The following GRIP1 variants were observed in gnomAD, a reference collection of about 807,000 sequenced individuals.
GRIP1 encodes glutamate receptor interacting protein 1.
In GRIP1, 45 loss-of-function variants were observed where a neutral mutation model predicts 129.9. That is an observed-to-expected ratio of 0.35 (90% CI 0.27 to 0.44). GRIP1 has a LOEUF of 0.44. GRIP1 is among the 20% of genes least tolerant of loss of function. GRIP1 has a pLI of 1.00. For missense variants in GRIP1, 1,196 were observed against 1,396.8 expected (o/e 0.86, Z 2.29); for synonymous variants, 530 against 520.8 (o/e 1.02, Z -0.24).
chr12:66,852,674 A>AAT (rs1206057378), intron 1 of GRIP1, among the ~76,000 whole-genome samples: 1 of 151,598 alleles, frequency 6.6e-6, no homozygotes, highest in Non-Finnish European at 1.5e-5. Context: ...ATATTTTATA[A>AAT]ATATATATTT....
rs568761323 is a variant in GRIP1, at chr12:66,623,313, T to G, written c.56-26386A>C. On this transcript the variant is annotated intron_variant, in intron 1 of 24. Coordinates refer to ENST00000359742, the MANE Select transcript of GRIP1 (RefSeq NM_001366722.1). ...TTTATAAGTATTAATTCATTTAAAC[T>G]TCACAATAACTTGATAAGGCATTCT... is the stretch of plus-strand genomic sequence containing the variant. Among the ~76,000 whole-genome samples the G allele has an allele frequency of 2.6e-5, 4 of 152,302 alleles. No individual in the cohort carries two copies. The South Asian group carries it at 8.3e-4, about 32-fold the overall frequency.
At chr12:66,901,876 A>C (rs1504315) in intron 1 of GRIP1, among the ~76,000 whole-genome samples, 49,262 of 152,098 alleles carry the variant, frequency 0.32, 8,565 homozygotes, top group East Asian at 0.46. Flanking sequence ...ATTGTATTGT[A>C]ATGTTTGGGA....
At chr12:66,738,485 T>C (rs1237230978) in intron 1 of GRIP1, among the ~76,000 whole-genome samples, 1 of 152,070 alleles carries the variant, frequency 6.6e-6, no homozygotes, top group Non-Finnish European at 1.5e-5. Flanking sequence ...CCTCCCAAAG[T>C]GCTAGGATCA....
At chr12:66,543,689 A>C (rs926169499) in intron 2 of GRIP1, among the ~76,000 whole-genome samples, 3 of 152,196 alleles carry the variant, frequency 2.0e-5, no homozygotes, top group African/African-American at 7.2e-5. Flanking sequence ...TTAATAATTA[A>C]AGTAACCAAA....
intron 1 of GRIP1, among the ~76,000 whole-genome samples, chr12:67,056,606 T>C (rs1005088704): frequency 6.6e-5 from 10 of 152,170 alleles, no homozygotes; most frequent in Non-Finnish European, 1.2e-4. Context: ...GCCACAAGCC[T>C]GCCCAGTTCA....
At chr12:66,923,611 C>T (rs779131549) in intron 1 of GRIP1, among the ~76,000 whole-genome samples, 18 of 152,110 alleles carry the variant, frequency 1.2e-4, no homozygotes, top group Admixed American at 1.1e-3. Context: ...CTGCCACAGC[C>T]GCCTCCACCA....
chr12:66,989,694 G>A (rs761701436), intron 1 of GRIP1, among the ~76,000 whole-genome samples: 4 of 152,014 alleles, frequency 2.6e-5, no homozygotes, highest in East Asian at 1.9e-4. Flanking sequence ...AATTGGCTTC[G>A]GAACAACAAT....
At chr12:66,369,039 T>C (rs2055317907) in intron 23 of GRIP1, among the ~76,000 whole-genome samples, 1 of 152,238 alleles carries the variant, frequency 6.6e-6, no homozygotes, top group South Asian at 2.1e-4. Context: ...TAGGTCATTT[T>C]AGGGGGCTTA....
chr12:66,710,465 G>A (rs934618633), intron 1 of GRIP1, among the ~76,000 whole-genome samples: 8 of 151,800 alleles, frequency 5.3e-5, no homozygotes, highest in African/African-American at 1.9e-4. Context: ...TTATTCTTGA[G>A]GTAAGTTAAT....
At chr12:66,673,235 T>C (rs1422295655) in intron 1 of GRIP1, among the ~76,000 whole-genome samples, 3 of 152,182 alleles carry the variant, frequency 2.0e-5, no homozygotes, top group Non-Finnish European at 4.4e-5. Context: ...GACGATAATA[T>C]TGCAAGATTT....
At chr12:66,731,507 C>A (rs916741179) in intron 1 of GRIP1, among the ~76,000 whole-genome samples, 1 of 152,132 alleles carries the variant, frequency 6.6e-6, no homozygotes, top group Non-Finnish European at 1.5e-5. Flanking sequence ...CTGTTTATAA[C>A]CTTTTATACA....
At chr12:66,885,270 A>G (rs1356226219) in intron 1 of GRIP1, among the ~76,000 whole-genome samples, 1 of 152,130 alleles carries the variant, frequency 6.6e-6, no homozygotes, top group Non-Finnish European at 1.5e-5. Context: ...GCGGGTCTCA[A>G]CAGAGGACAA....
chr12:67,007,079 T>C (rs904637212), intron 1 of GRIP1, among the ~76,000 whole-genome samples: 3 of 152,230 alleles, frequency 2.0e-5, no homozygotes, highest in African/African-American at 7.2e-5. Flanking sequence ...TCCCACTCTA[T>C]TCATTGAAAA....
intron 1 of GRIP1, among the ~76,000 whole-genome samples, chr12:66,866,229 G>C (rs1376005536): frequency 1.3e-5 from 2 of 152,174 alleles, no homozygotes; most frequent in African/African-American, 4.8e-5. Context: ...AGCACTTTGA[G>C]AGGTCAGGAT....
chr12:66,999,595 A>G (rs1192924583), intron 1 of GRIP1, among the ~76,000 whole-genome samples: 1 of 152,188 alleles, frequency 6.6e-6, no homozygotes, highest in Non-Finnish European at 1.5e-5. Flanking sequence ...GAATATTAAA[A>G]CCAACTAGAA....
At chr12:66,827,386 G>A (rs1419141092) in intron 1 of GRIP1, among the ~76,000 whole-genome samples, 1 of 83,352 alleles carries the variant, frequency 1.2e-5, no homozygotes. Context: ...GTGTGTGTGT[G>A]TGAGAGAGAG....
intron 2 of GRIP1, chr12:66,568,852 G>T: frequency 2.2e-6 from 1 of 447,036 alleles, no homozygotes; most frequent in Non-Finnish European, 4.4e-6. Context: ...GGTCCAACTG[G>T]TCAGGAAGAT....
chr12:66,948,091 G>A (rs910616380), intron 1 of GRIP1, among the ~76,000 whole-genome samples: 1 of 152,168 alleles, frequency 6.6e-6, no homozygotes, highest in African/African-American at 2.4e-5. Flanking sequence ...AGAGAAAGCT[G>A]AAAACCTAAA....
chr12:66,528,832 T>G (rs2061351115), intron 5 of GRIP1, among the ~76,000 whole-genome samples: 1 of 152,112 alleles, frequency 6.6e-6, no homozygotes, highest in African/African-American at 2.4e-5. Flanking sequence ...GTTGCGTTTA[T>G]TTAAAGAAGA....
Sources: gnomAD v4.1 joint callset for allele counts (sites outside exome capture counted in the v4.1 genomes callset) on GRCh38, gnomAD v4.1.1 for gene constraint, MANE v1.5 for transcripts, NCBI Gene and HGNC (gene_info 2026-07-23, HGNC 2026-07-21) for gene names.